KCNT2: variants seen among roughly 807,000 people sequenced by gnomAD.
KCNT2 encodes the protein potassium sodium-activated channel subfamily T member 2, also known as potassium channel subfamily T member 2.
A neutral mutation model predicts 153.8 loss-of-function variants in KCNT2; 67 were observed. The observed-to-expected ratio is 0.44, with a 90% CI of 0.36 to 0.53. The LOEUF (loss-of-function observed/expected upper bound fraction) is 0.53, where lower values mean the gene tolerates loss of function less well. Among genes scored for constraint, KCNT2 ranks in the 20% least tolerant of loss-of-function variants. The pLI is 0.00. For missense variants in KCNT2, 975 were observed against 1,354.8 expected (o/e 0.72, Z 4.40); for synonymous variants, 500 against 458.8 (o/e 1.09, Z -1.15).
intron 1 of KCNT2, among the ~76,000 whole-genome samples, chr1:196,514,904 G>T (rs1027445228): frequency 3.9e-5 from 6 of 152,092 alleles, no homozygotes; most frequent in Middle Eastern, 6.8e-3. Context: ...CTGAATTTTA[G>T]ATCATTAATT....
chr1:196,328,633 G>GAAA (rs200329840), intron 18 of KCNT2, among the ~76,000 whole-genome samples: 3 of 118,478 alleles, frequency 2.5e-5, no homozygotes, highest in South Asian at 5.2e-4. Context: ...AGTGCTAAAA[G>GAAA]AAAAAAAAAA....
chr1:196,239,811 G>A (rs1264554727), intron 26 of KCNT2, among the ~76,000 whole-genome samples: 1 of 151,894 alleles, frequency 6.6e-6, no homozygotes, highest in Non-Finnish European at 1.5e-5. Flanking sequence ...TTTGGAGATA[G>A]AGCCTCAAAA....
In KCNT2 at chr1:196,532,955, A is replaced by T. The variant is rs538580522; in HGVS notation, c.96-40614T>A. On this transcript the variant is annotated intron_variant, in intron 1 of 27. Transcript: ENST00000294725. ...TGTAAATCTGGAGCATTCAAAATGT[A>T]CCCCTTCTAAAGAAAAGCAGCAGCA... Among the ~76,000 whole-genome samples, 219 of 152,142 alleles carry T rather than the reference A, an allele frequency of 1.4e-3. 2 individuals are homozygous for T. Among genetic ancestry groups the T allele is most frequent in the African/African-American group, 5.1e-3 (211 of 41,532 alleles).
intron 12 of KCNT2, among the ~76,000 whole-genome samples, chr1:196,409,853 G>A (rs2148477536): frequency 6.6e-6 from 1 of 151,636 alleles, no homozygotes. Context: ...TTCTATTTTA[G>A]GTTTTTGAAA....
chr1:196,430,416 CTCTT>C (rs1674051331), intron 8 of KCNT2, among the ~76,000 whole-genome samples: 1 of 151,762 alleles, frequency 6.6e-6, no homozygotes, highest in Non-Finnish European at 1.5e-5. Flanking sequence ...CTTTCTCTCT[CTCTT>C]TCTCTCTCTC....
chr1:196,317,386 T>C (rs1662826824), intron 20 of KCNT2: 2 of 286,300 alleles, frequency 7.0e-6, no homozygotes, highest in East Asian at 9.4e-5. Context: ...CTTGGGTCTT[T>C]CTTTTATTCA....
At chr1:196,496,710 A>G (rs770665021) in intron 1 of KCNT2, among the ~76,000 whole-genome samples, 23 of 152,208 alleles carry the variant, frequency 1.5e-4, no homozygotes, top group Non-Finnish European at 1.8e-4. Flanking sequence ...AGGTGGCCAG[A>G]GCCCATCCTA....
chr1:196,453,224 C>T (rs1443732030), intron 8 of KCNT2, among the ~76,000 whole-genome samples: 2 of 151,552 alleles, frequency 1.3e-5, no homozygotes, highest in South Asian at 2.1e-4. Flanking sequence ...TGCAGTAGAA[C>T]GATATTCTTA....
intron 8 of KCNT2, among the ~76,000 whole-genome samples, chr1:196,449,389 C>A (rs1219316222): frequency 6.6e-6 from 1 of 151,588 alleles, no homozygotes; most frequent in African/African-American, 2.4e-5. Context: ...GGCTAACAGA[C>A]AGGCTCTGTA....
intron 5 of KCNT2, among the ~76,000 whole-genome samples, chr1:196,477,604 A>G (rs1678651689): frequency 6.6e-6 from 1 of 151,992 alleles, no homozygotes; most frequent in South Asian, 2.1e-4. Flanking sequence ...CCAAAAAAAA[A>G]GTGAGAAAGA....
At chr1:196,359,464 G>T (rs1465584887) in intron 14 of KCNT2, among the ~76,000 whole-genome samples, 1 of 151,926 alleles carries the variant, frequency 6.6e-6, no homozygotes, top group East Asian at 1.9e-4. Context: ...AAACTACTTG[G>T]AACCAGGGCA....
At chr1:196,371,256 C>T (rs1490386877) in intron 14 of KCNT2, among the ~76,000 whole-genome samples, 1 of 133,682 alleles carries the variant, frequency 7.5e-6, no homozygotes, top group African/African-American at 2.9e-5. Flanking sequence ...AAAAGCCTGG[C>T]ATGGTGGTTC....
At chr1:196,248,255 C>A (rs1024061237) in intron 26 of KCNT2, among the ~76,000 whole-genome samples, 1 of 150,990 alleles carries the variant, frequency 6.6e-6, no homozygotes, top group Non-Finnish European at 1.5e-5. Flanking sequence ...AAGGCAAGAG[C>A]AAGCTAAACC....
chr1:196,594,932 T>C (rs1283783009), intron 1 of KCNT2, among the ~76,000 whole-genome samples: 1 of 152,130 alleles, frequency 6.6e-6, no homozygotes, highest in Non-Finnish European at 1.5e-5. Flanking sequence ...TTTCAAATAA[T>C]AGCATTAACG....
chr1:196,339,826 T>C (rs1029927333), intron 16 of KCNT2, among the ~76,000 whole-genome samples: 3 of 152,058 alleles, frequency 2.0e-5, no homozygotes, highest in Admixed American at 1.3e-4. Flanking sequence ...TTCTGTGTCA[T>C]AGAAGCCAAG....
At chr1:196,264,565 G>A (rs1259457942) in intron 25 of KCNT2, among the ~76,000 whole-genome samples, 3 of 152,040 alleles carry the variant, frequency 2.0e-5, no homozygotes, top group Non-Finnish European at 4.4e-5. Flanking sequence ...GGGGAAGCTG[G>A]TAAGTCCCAG....
chr1:196,495,496 C>T (rs769434516), intron 1 of KCNT2, among the ~76,000 whole-genome samples: 21 of 151,950 alleles, frequency 1.4e-4, no homozygotes, highest in Non-Finnish European at 4.4e-5. Flanking sequence ...TCCATTCCTT[C>T]CTCCCTCCTT....
chr1:196,468,876 TA>T, intron 6 of KCNT2, 117 bp downstream of exon 6: 1 of 674,934 alleles, frequency 1.5e-6, no homozygotes, highest in Non-Finnish European at 2.6e-6. Flanking sequence ...ATCATGATTC[TA>T]ACCAAAGTCT....
intron 23 of KCNT2, among the ~76,000 whole-genome samples, chr1:196,283,090 G>C (rs1348987923): frequency 6.6e-6 from 1 of 152,150 alleles, no homozygotes; most frequent in East Asian, 1.9e-4. Context: ...GTGATCGCCT[G>C]CCTTGGCCAC....
Sources: allele counts gnomAD v4.1 joint callset (sites outside exome capture counted in the v4.1 genomes callset), GRCh38; gene constraint gnomAD v4.1.1; transcripts MANE v1.5; gene names NCBI Gene and HGNC (gene_info 2026-07-23, HGNC 2026-07-21).